PDE4D: variants seen among roughly 807,000 people sequenced by gnomAD.
PDE4D encodes the protein 3',5'-cyclic-AMP phosphodiesterase 4D.
In PDE4D, 24 loss-of-function variants were observed where a neutral mutation model predicts 87.4. The ratio of observed to expected loss-of-function variants is 0.27; its 90% CI spans 0.20 to 0.39. PDE4D has a LOEUF of 0.39. Among genes scored for constraint, PDE4D ranks in the 10% least tolerant of loss-of-function variants. The pLI is 1.00. For synonymous variants in PDE4D, 384 were observed against 383.2 expected (o/e 1.00, Z -0.02); for missense variants, 714 against 1,041.0 (o/e 0.69, Z 4.32).
chr5:60,088,086 G>C (rs550544704), intron 2 of PDE4D, among the ~76,000 whole-genome samples: 94 of 152,194 alleles, frequency 6.2e-4, no homozygotes, highest in Non-Finnish European at 4.7e-4. Flanking sequence ...CAAAAGAAGT[G>C]AGATGCTATA....
chr5:59,686,339 A>T (rs1749857923), intron 1 of PDE4D, among the ~76,000 whole-genome samples: 1 of 152,244 alleles, frequency 6.6e-6, no homozygotes, highest in African/African-American at 2.4e-5. Context: ...CCTATTGTAA[A>T]GATGAAGTAA....
At chr5:59,574,058 A>AT (rs1491123515) in intron 1 of PDE4D, among the ~76,000 whole-genome samples, 2 of 57,518 alleles carry the variant, frequency 3.5e-5, no homozygotes, top group African/African-American at 1.5e-4. Context: ...ATTTATATAT[A>AT]AAAATATATA....
intron 1 of PDE4D, chr5:59,275,291 A>C (rs1344455252): frequency 6.9e-7 from 1 of 1,451,650 alleles, no homozygotes; most frequent in Non-Finnish European, 9.5e-7. Context: ...GGAGTACGTC[A>C]ATCTTAAAAG....
intron 3 of PDE4D, among the ~76,000 whole-genome samples, chr5:59,911,687 C>T (rs568563195): frequency 1.6e-4 from 25 of 152,324 alleles, no homozygotes; most frequent in African/African-American, 6.0e-4. Context: ...GGCTTATCCA[C>T]CTACCAGAAT....
At position 58,996,254 on chromosome 5, in the gene PDE4D, G is replaced by A. The variant is rs563939711; in HGVS notation, c.922-2789C>T. ...CCTATGTAACAAACCTGCACGTTCT[G>A]CACATGTATACCAGAACTTAAAGTA... On this transcript the variant is annotated intron_variant, in intron 6 of 14. Transcript: ENST00000340635. Among the ~76,000 whole-genome samples, 6 of 152,194 alleles carry A rather than the reference G, an allele frequency of 3.9e-5. No individual in the cohort carries two copies. The South Asian group carries it at 1.2e-3, about 32-fold the overall frequency.
intron 1 of PDE4D, among the ~76,000 whole-genome samples, chr5:60,478,501 T>G (rs1748494093): frequency 6.6e-6 from 1 of 152,164 alleles, no homozygotes. Context: ...AAGAAACTAT[T>G]CCTTCCTTCA....
intron 2 of PDE4D, among the ~76,000 whole-genome samples, chr5:60,039,817 A>C (rs1768259010): frequency 6.6e-6 from 1 of 152,138 alleles, no homozygotes; most frequent in South Asian, 2.1e-4. Flanking sequence ...ACCATCAGGA[A>C]ATTCTGCTAT....
intron 1 of PDE4D, among the ~76,000 whole-genome samples, chr5:59,831,174 G>C (rs1741142008): frequency 6.6e-6 from 1 of 151,870 alleles, no homozygotes; most frequent in African/African-American, 2.4e-5. Context: ...AATTATTGTT[G>C]CCTGACAAGA....
At chr5:59,886,632 G>A (rs994921468) in intron 1 of PDE4D, among the ~76,000 whole-genome samples, 1 of 152,194 alleles carries the variant, frequency 6.6e-6, no homozygotes, top group Non-Finnish European at 1.5e-5. Context: ...TTTCTGAACA[G>A]GTAAGGAAGG....
At chr5:59,022,509 C>G (rs973913004) in intron 6 of PDE4D, among the ~76,000 whole-genome samples, 32 of 152,198 alleles carry the variant, frequency 2.1e-4, no homozygotes, top group African/African-American at 7.2e-4. Flanking sequence ...CATGAACCTG[C>G]TTACACCTTC....
At position 59,903,193 on chromosome 5, in the gene PDE4D, A is replaced by G. The variant is rs372362619; in HGVS notation, c.272+85295T>C. Among the ~76,000 whole-genome samples, 287 of 152,284 alleles carry G rather than the reference A, an allele frequency of 1.9e-3. 1 individual carries two copies. The highest frequency in any genetic ancestry group is 0.017 in the Middle Eastern group (5 of 294). ...CTCAAATATCTGACTTTAAAATATA[A>G]TATTCCTTATCATCTAACATTGTAG... On this transcript the variant is annotated intron_variant, in intron 3 of 16. Coordinates refer to the PDE4D transcript ENST00000502484.
intron 1 of PDE4D, among the ~76,000 whole-genome samples, chr5:59,643,710 A>G (rs1203462997): frequency 6.6e-6 from 1 of 152,246 alleles, no homozygotes; most frequent in Non-Finnish European, 1.5e-5. Flanking sequence ...ACATCTCTTC[A>G]GGTTGACAAG....
chr5:60,473,317 ACCT>A (rs1347646191), intron 1 of PDE4D, among the ~76,000 whole-genome samples: 4 of 151,518 alleles, frequency 2.6e-5, no homozygotes, highest in African/African-American at 9.7e-5. Context: ...GGAGAAAGAG[ACCT>A]CCTATATTTT....
In PDE4D at chr5:59,751,296, A is replaced by T. The variant is rs947102363; in HGVS notation, c.455+141872T>A. ...TCAGAACACAAGTGCCACTAGTAGAATTAACACATCTGATTTGAATGAAAA... is the reference window on the plus strand; with the variant it reads ...TCAGAACACAAGTGCCACTAGTAGATTTAACACATCTGATTTGAATGAAAA... On this transcript the variant is annotated intron_variant, in intron 1 of 14. Coordinates refer to ENST00000340635, the MANE Select transcript of PDE4D (RefSeq NM_001104631.2). 3.3e-5 allele frequency among the ~76,000 whole-genome samples: 5 copies of T among 152,194 alleles called. No individual in the cohort carries two copies. In the East Asian group the frequency reaches 9.6e-4, roughly 29 times the overall value.
chr5:60,243,034 T>C (rs1440370059), intron 1 of PDE4D, among the ~76,000 whole-genome samples: 1 of 151,654 alleles, frequency 6.6e-6, no homozygotes, highest in Non-Finnish European at 1.5e-5. Flanking sequence ...AAAAGATCCA[T>C]TAAAAAGTTT....
At chr5:60,336,036 T>C (rs7712352) in intron 1 of PDE4D, among the ~76,000 whole-genome samples, 9,097 of 152,146 alleles carry the variant, frequency 0.06, 897 homozygotes, top group African/African-American at 0.21. Flanking sequence ...GGGTAGGTTA[T>C]TGGAGAGCGA....
intron 1 of PDE4D, among the ~76,000 whole-genome samples, chr5:59,889,626 C>A (rs1158497770): frequency 6.6e-6 from 1 of 151,978 alleles, no homozygotes; most frequent in African/African-American, 2.4e-5. Context: ...GTATTTTCAA[C>A]CTTAGTGTAT....
chr5:60,208,157 A>G (rs1303847804), intron 1 of PDE4D, among the ~76,000 whole-genome samples: 1 of 152,230 alleles, frequency 6.6e-6, no homozygotes, highest in Non-Finnish European at 1.5e-5. Context: ...ATATAAGTAA[A>G]ATGTGTAAGT....
chr5:60,455,243 T>G (rs1424557146), intron 1 of PDE4D, among the ~76,000 whole-genome samples: 1 of 152,158 alleles, frequency 6.6e-6, no homozygotes, highest in African/African-American at 2.4e-5. Flanking sequence ...TAAAAATTTG[T>G]GAGGGAACAA....
Sources: gnomAD v4.1 joint callset for allele counts (sites outside exome capture counted in the v4.1 genomes callset) on GRCh38, gnomAD v4.1.1 for gene constraint, MANE v1.5 for transcripts, NCBI Gene and HGNC (gene_info 2026-07-23, HGNC 2026-07-21) for gene names.